FRMD4A: variants seen among roughly 807,000 people sequenced by gnomAD.
The protein encoded by FRMD4A is FERM domain-containing protein 4A.
A neutral mutation model predicts 129.1 loss-of-function variants in FRMD4A; 29 were observed. The observed-to-expected ratio is 0.22, with a 90% CI of 0.17 to 0.31. FRMD4A has a LOEUF of 0.31. Among genes scored for constraint, FRMD4A ranks in the 10% least tolerant of loss-of-function variants. FRMD4A has a pLI of 1.00. For missense variants in FRMD4A, 1,272 were observed against 1,375.8 expected (o/e 0.92, Z 1.19); for synonymous variants, 634 against 571.6 (o/e 1.11, Z -1.56).
At chr10:13,881,278 C>G (rs1034163593) in intron 2 of FRMD4A, among the ~76,000 whole-genome samples, 6 of 144,880 alleles carry the variant, frequency 4.1e-5, no homozygotes, top group Non-Finnish European at 7.5e-5. Context: ...AAAAAATTAG[C>G]TGGGCATGGT....
At chr10:14,279,488 C>T (rs1019520612) in intron 2 of FRMD4A, among the ~76,000 whole-genome samples, 5 of 152,124 alleles carry the variant, frequency 3.3e-5, no homozygotes, top group Admixed American at 2.0e-4. Flanking sequence ...CATAAGCCAC[C>T]GTGCCCAGCT....
chr10:14,291,122 T>G (rs3942455), intron 2 of FRMD4A, among the ~76,000 whole-genome samples: 1 of 152,010 alleles, frequency 6.6e-6, no homozygotes, highest in South Asian at 2.1e-4. Context: ...CCTTCCTATT[T>G]TCAATTTTTA....
intron 14 of FRMD4A, among the ~76,000 whole-genome samples, chr10:13,695,101 C>G (rs1008630413): frequency 6.6e-6 from 1 of 151,968 alleles, no homozygotes; most frequent in Non-Finnish European, 1.5e-5. Context: ...AGAAAAAACT[C>G]TATGTTCACA....
Position 13,819,736 on chromosome 10 carries a change from T to A in FRMD4A, c.112-8828A>T, listed in dbSNP as rs1207404142. ...TTTTTTTCTGAGATGGGGTCTGGAG[T>A]GCGGGCTGGAGTACAGTGGCACGAT... On this transcript the variant is annotated intron_variant, in intron 3 of 24. Coordinates refer to ENST00000357447, the MANE Select transcript of FRMD4A (RefSeq NM_018027.5). Among the ~76,000 whole-genome samples the A allele has an allele frequency of 1.6e-5, 2 of 129,002 alleles. 1 individual carries two copies. The highest frequency in any genetic ancestry group is 6.1e-5 in the African/African-American group (2 of 32,600). The allele number at this position is 129,002 out of a possible 152,430, so 84.6% of individuals were successfully genotyped here. A position where few individuals can be genotyped will look rare whatever the true frequency, so the allele number is the denominator to read the frequency against.
At chr10:14,139,811 A>C (rs889149534) in intron 2 of FRMD4A, among the ~76,000 whole-genome samples, 13 of 152,134 alleles carry the variant, frequency 8.5e-5, no homozygotes, top group Admixed American at 8.5e-4. Context: ...GATTTGGTTC[A>C]ATTATCTTTC....
At chr10:13,757,210 T>C (rs1279580542) in intron 8 of FRMD4A, among the ~76,000 whole-genome samples, 1 of 152,228 alleles carries the variant, frequency 6.6e-6, no homozygotes, top group Admixed American at 6.5e-5. Context: ...TGGAGGCTAC[T>C]GAATTGTTTT....
At chr10:14,188,779 G>A (rs368354960) in intron 2 of FRMD4A, among the ~76,000 whole-genome samples, 5 of 152,298 alleles carry the variant, frequency 3.3e-5, no homozygotes, top group Non-Finnish European at 5.9e-5. Context: ...AGTGGCATGC[G>A]CCTGTGGTCC....
Position 13,804,489 on chromosome 10 carries a change from G to A in FRMD4A, c.206+6325C>T, listed in dbSNP as rs141115609. ...CCCGTGCACCAGCCTTCCTGGCAGT[G>A]GTTCTAAAGATGCATCTTCAATGAG... On this transcript the variant is annotated intron_variant, in intron 4 of 24. Transcript: ENST00000357447. Among the ~76,000 whole-genome samples the A allele has an allele frequency of 6.8e-4, 102 of 150,212 alleles. 1 individual carries two copies. The highest frequency in any genetic ancestry group is 2.4e-3 in the African/African-American group (99 of 40,546).
rs528523172 is a variant in FRMD4A at position 14,246,713 on chromosome 10, T to A, written c.45+83345A>T. ...ACCAGGTCTGCCAGGAAAAAGTGTT[T>A]AACGCCATCCCCAAAGGACGTTGTG... On this transcript the variant is annotated intron_variant, in intron 2 of 24. Transcript: ENST00000357447. Among the ~76,000 whole-genome samples the A allele has an allele frequency of 4.6e-5, 7 of 152,292 alleles. No individual in the cohort carries two copies. The South Asian group carries it at 8.3e-4, about 18-fold the overall frequency.
At chr10:13,878,763 A>C (rs954810910) in intron 2 of FRMD4A, among the ~76,000 whole-genome samples, 1 of 147,932 alleles carries the variant, frequency 6.8e-6, no homozygotes, top group Non-Finnish European at 1.5e-5. Context: ...AAAACATAGA[A>C]AGAAAAGAAA....
intron 2 of FRMD4A, among the ~76,000 whole-genome samples, chr10:13,895,290 C>T (rs898714754): frequency 6.6e-6 from 1 of 152,130 alleles, no homozygotes; most frequent in Non-Finnish European, 1.5e-5. Context: ...TCTATGTGTC[C>T]ATGTGTTCTC....
At chr10:13,851,906 A>T (rs200769102) in intron 3 of FRMD4A, among the ~76,000 whole-genome samples, 5 of 6,896 alleles carry the variant, frequency 7.3e-4, no homozygotes, top group Non-Finnish European at 1.7e-3. Flanking sequence ...CTCAAAAATT[A>T]AAAAAAAAAA....
At chr10:14,220,788 GTGTGTGTGTGTGTGTGTGTGTGTT>G (rs1455134858) in intron 2 of FRMD4A, among the ~76,000 whole-genome samples, 3 of 104,784 alleles carry the variant, frequency 2.9e-5, no homozygotes, top group Admixed American at 9.9e-5. Context: ...AGTTGCGTGT[GTGTGTGTGTGTGTGTGTGTGTGTT>G]TGTGTGTGTG....
intron 2 of FRMD4A, among the ~76,000 whole-genome samples, chr10:14,195,430 TAAAAA>T (rs11357658): frequency 6.8e-6 from 1 of 146,288 alleles, no homozygotes; most frequent in African/African-American, 2.5e-5. Context: ...TTTCTTTCAT[TAAAAA>T]AAAAAAAAAT....
At chr10:14,185,534 G>A (rs369955840) in intron 2 of FRMD4A, among the ~76,000 whole-genome samples, 21 of 151,372 alleles carry the variant, frequency 1.4e-4, no homozygotes, top group South Asian at 1.2e-3. Context: ...TAGAACTATG[G>A]AAACTTGAAA....
At position 13,671,722 on chromosome 10, in the gene FRMD4A, C is replaced by T. The variant is rs1589296402; in HGVS notation, c.1252-1194G>A. On this transcript the variant is annotated intron_variant, in intron 16 of 24. Transcript: ENST00000357447. ...ATGATCAAATCAGAGTCAGTGGCTGCCCCACACTGTAGAGGCCAGGCATCA... is the reference window on the plus strand; with the variant it reads ...ATGATCAAATCAGAGTCAGTGGCTGTCCCACACTGTAGAGGCCAGGCATCA... Among the ~76,000 whole-genome samples, 2 of 152,300 alleles carry T rather than the reference C, an allele frequency of 1.3e-5. 1 individual carries two copies. The highest frequency in any genetic ancestry group is 4.1e-4 in the South Asian group (2 of 4,830).
At chr10:13,875,580 G>T (rs567401112) in intron 2 of FRMD4A, among the ~76,000 whole-genome samples, 7 of 152,182 alleles carry the variant, frequency 4.6e-5, no homozygotes, top group Non-Finnish European at 5.9e-5. Context: ...GAATTAAGAG[G>T]TGCCCTGCAT....
In FRMD4A at chr10:13,914,322, A is replaced by G. The variant is rs144833849; in HGVS notation, c.46-55410T>C. On this transcript the variant is annotated intron_variant, in intron 2 of 24. Transcript: ENST00000357447. ...ATATACAAGGAATGTCAATTTCTGA[A>G]ATAATATATCAAGTTATGAATAACG... Among the ~76,000 whole-genome samples, 786 of 152,364 alleles carry G rather than the reference A, an allele frequency of 5.2e-3. 6 individuals carry two copies. The highest frequency in any genetic ancestry group is 0.018 in the African/African-American group (738 of 41,568).
intron 6 of FRMD4A, among the ~76,000 whole-genome samples, chr10:13,765,137 G>A (rs1289677323): frequency 4.5e-5 from 6 of 133,420 alleles, no homozygotes; most frequent in South Asian, 4.7e-4. Flanking sequence ...TTTTTGAGAC[G>A]GAGTCTCACT....
Sources: allele counts gnomAD v4.1 joint callset (sites outside exome capture counted in the v4.1 genomes callset), GRCh38; gene constraint gnomAD v4.1.1; transcripts MANE v1.5; gene names NCBI Gene and HGNC (gene_info 2026-07-23, HGNC 2026-07-21).